The following PRKG1 variants were observed in gnomAD, a reference collection of about 807,000 sequenced individuals.
The protein encoded by PRKG1 is cGMP-dependent protein kinase 1.
PRKG1 carries 35 observed loss-of-function variants against 88.1 expected under a neutral mutation model. That is an observed-to-expected ratio of 0.40 (90% CI 0.30 to 0.53). The LOEUF (loss-of-function observed/expected upper bound fraction) is 0.53. Among genes scored for constraint, PRKG1 ranks in the 20% least tolerant of loss-of-function variants. PRKG1 has a pLI of 0.59. For missense variants in PRKG1, 540 were observed against 839.8 expected (o/e 0.64, Z 4.41); for synonymous variants, 303 against 292.5 (o/e 1.04, Z -0.37).
At chr10:52,015,692 G>A (rs986709299) in intron 5 of PRKG1, among the ~76,000 whole-genome samples, 2 of 152,140 alleles carry the variant, frequency 1.3e-5, no homozygotes, top group African/African-American at 4.8e-5. Flanking sequence ...TTAAACATAA[G>A]TTCCAATTTC....
chr10:51,101,591 A>T (rs532648510), intron 1 of PRKG1, among the ~76,000 whole-genome samples: 18 of 152,302 alleles, frequency 1.2e-4, no homozygotes, highest in African/African-American at 3.6e-4. Context: ...GCAATGGAAG[A>T]TTAAACAGAT....
At chr10:51,266,029 G>A (rs1839827280) in intron 2 of PRKG1, among the ~76,000 whole-genome samples, 1 of 152,224 alleles carries the variant, frequency 6.6e-6, no homozygotes, top group Non-Finnish European at 1.5e-5. Flanking sequence ...TTCTGGCTCA[G>A]TAGGTCCCTA....
chr10:51,629,066 A>G (rs565857931), intron 3 of PRKG1, among the ~76,000 whole-genome samples: 1 of 152,366 alleles, frequency 6.6e-6, no homozygotes, highest in Admixed American at 6.5e-5. Flanking sequence ...TTGTTTTTAT[A>G]AAATAGAAAG....
At chr10:52,284,673 C>T (rs965214187) in intron 14 of PRKG1, among the ~76,000 whole-genome samples, 1 of 151,800 alleles carries the variant, frequency 6.6e-6, no homozygotes, top group Non-Finnish European at 1.5e-5. Context: ...TAATGATCTT[C>T]GATAGTAATA....
In PRKG1 at chr10:52,029,056, G is replaced by A. The variant is rs867909796; in HGVS notation, c.763-25428G>A. On this transcript the variant is annotated intron_variant, in intron 5 of 17. Coordinates refer to ENST00000373980, the MANE Select transcript of PRKG1 (RefSeq NM_006258.4). ...CACTTAAGGAGCCTGACAAAATAGT[G>A]TTGTGCTGTGACCCAAGGTGGTGCT... Among the ~76,000 whole-genome samples, 3 of 152,190 alleles carry A rather than the reference G, an allele frequency of 2.0e-5. No homozygotes were observed. In the South Asian group the frequency reaches 6.2e-4, roughly 31 times the overall value.
intron 9 of PRKG1, among the ~76,000 whole-genome samples, chr10:52,220,454 G>T: frequency 6.6e-6 from 1 of 151,962 alleles, no homozygotes; most frequent in Non-Finnish European, 1.5e-5. Flanking sequence ...TGCATGTGCA[G>T]ATTTGTATAT....
intron 5 of PRKG1, among the ~76,000 whole-genome samples, chr10:51,914,667 G>T (rs754571400): frequency 1.3e-5 from 2 of 152,110 alleles, no homozygotes; most frequent in Non-Finnish European, 2.9e-5. Context: ...TGGAATAAAA[G>T]ACTTCTGTCT....
intron 3 of PRKG1, among the ~76,000 whole-genome samples, chr10:51,661,171 A>T (rs963291225): frequency 6.6e-6 from 1 of 152,102 alleles, no homozygotes; most frequent in African/African-American, 2.4e-5. Flanking sequence ...TGCTATCTGG[A>T]ACATAATTGG....
intron 2 of PRKG1, among the ~76,000 whole-genome samples, chr10:51,431,774 A>AACTAG: frequency 6.6e-6 from 1 of 152,200 alleles, no homozygotes; most frequent in Non-Finnish European, 1.5e-5. Flanking sequence ...AAGAAGGACA[A>AACTAG]TTTAAATGGC....
intron 9 of PRKG1, among the ~76,000 whole-genome samples, chr10:52,199,623 C>T (rs1025536160): frequency 6.6e-6 from 1 of 152,138 alleles, no homozygotes; most frequent in African/African-American, 2.4e-5. Context: ...CGGAGCCCTA[C>T]AGGAAGAGGT....
intron 2 of PRKG1, among the ~76,000 whole-genome samples, chr10:51,428,168 T>G (rs1408108848): frequency 6.6e-6 from 1 of 152,208 alleles, no homozygotes; most frequent in Admixed American, 6.5e-5. Context: ...GCTTTCTGTT[T>G]TCCATGCATC....
chr10:52,134,214 C>T (rs1008334897), intron 8 of PRKG1, among the ~76,000 whole-genome samples: 1 of 152,002 alleles, frequency 6.6e-6, no homozygotes, highest in Non-Finnish European at 1.5e-5. Flanking sequence ...AGCATTTGTC[C>T]AAGTGTCTTT....
chr10:51,149,977 A>G (rs185407105), intron 1 of PRKG1, among the ~76,000 whole-genome samples: 10 of 152,228 alleles, frequency 6.6e-5, no homozygotes, highest in Admixed American at 4.6e-4. Context: ...GATAGCTCAA[A>G]TGAGTCAAGT....
At chr10:51,930,645 C>T (rs1842674959) in intron 5 of PRKG1, among the ~76,000 whole-genome samples, 2 of 151,782 alleles carry the variant, frequency 1.3e-5, no homozygotes, top group Admixed American at 6.6e-5. Context: ...CATGTGCCAT[C>T]ATGCCCAGCT....
intron 4 of PRKG1, among the ~76,000 whole-genome samples, chr10:51,871,663 C>T (rs748820057): frequency 9.9e-5 from 15 of 152,172 alleles, no homozygotes; most frequent in Non-Finnish European, 1.5e-4. Flanking sequence ...TTGCAATATA[C>T]GCTTCCACCA....
rs1458239162 is a variant in PRKG1, at chr10:51,554,045, T to TAC, written c.592+86209_592+86210insAC. On this transcript the variant is annotated intron_variant, in intron 3 of 17. Coordinates refer to ENST00000373980, the MANE Select transcript of PRKG1 (RefSeq NM_006258.4). ...ATGTGATACGTGTATATATTATATG[T>TAC]GCGTATGTGATACGTGTATATATTA... 1.4e-4 allele frequency among the ~76,000 whole-genome samples: 19 copies of TAC among 136,594 alleles called. 3 individuals are homozygous for TAC. The highest frequency in any genetic ancestry group is 2.7e-4 in the Non-Finnish European group (17 of 63,588). 89.6% of individuals were successfully genotyped at this position (136,594 alleles called of 152,430 possible).
intron 2 of PRKG1, among the ~76,000 whole-genome samples, chr10:51,364,051 A>C (rs1842541033): frequency 6.6e-6 from 1 of 152,006 alleles, no homozygotes; most frequent in South Asian, 2.1e-4. Flanking sequence ...CCTGGGCTGA[A>C]CTAAAAACTG....
chr10:52,141,995 C>T (rs1277705262), intron 8 of PRKG1, among the ~76,000 whole-genome samples: 1 of 152,040 alleles, frequency 6.6e-6, no homozygotes, highest in Non-Finnish European at 1.5e-5. Context: ...GAATTTGAGT[C>T]CCAGAAGTGT....
intron 1 of PRKG1, among the ~76,000 whole-genome samples, chr10:51,042,077 A>G (rs901551099): frequency 6.6e-6 from 1 of 152,154 alleles, no homozygotes; most frequent in Non-Finnish European, 1.5e-5. Context: ...ACACACCTGT[A>G]AGCCCAGCTC....
Sources: gnomAD v4.1 joint callset for allele counts (sites outside exome capture counted in the v4.1 genomes callset) on GRCh38, gnomAD v4.1.1 for gene constraint, MANE v1.5 for transcripts, NCBI Gene and HGNC (gene_info 2026-07-23, HGNC 2026-07-21) for gene names.